NAV2: variants seen among roughly 807,000 people sequenced by gnomAD.
NAV2 encodes neuron navigator 2, also known as helicase, APC down-regulated 1.
Under a neutral mutation model 223.2 loss-of-function variants are expected in NAV2, and 54 were observed. That is an observed-to-expected ratio of 0.24 (90% confidence interval 0.19 to 0.30). The LOEUF is 0.30. Among genes scored for constraint, NAV2 ranks in the 10% least tolerant of loss-of-function variants. The pLI, the probability that NAV2 is intolerant of heterozygous loss-of-function variation, is 1.00. For missense variants in NAV2, 2,806 were observed against 3,147.5 expected, an observed-to-expected ratio of 0.89 and a Z score of 2.60; for synonymous variants, 1,279 against 1,239.3, an observed-to-expected ratio of 1.03 and a Z score of -0.67.
chr11:19,386,201 C>T (rs559188485), intron 1 of NAV2, among the ~76,000 whole-genome samples: 1 of 152,328 alleles, frequency 6.6e-6, no homozygotes, highest in East Asian at 1.9e-4. Flanking sequence ...ATTTAACAAT[C>T]GTTTGGGTGC....
chr11:19,479,751 A>C (rs141461881), intron 1 of NAV2, among the ~76,000 whole-genome samples: 54 of 152,312 alleles, frequency 3.5e-4, no homozygotes, highest in African/African-American at 1.3e-3. Flanking sequence ...TTCTGCAAAT[A>C]TGAAGTGCAA....
intron 6 of NAV2, among the ~76,000 whole-genome samples, chr11:19,896,177 T>C (rs1339866843): frequency 1.3e-5 from 2 of 152,180 alleles, no homozygotes; most frequent in Non-Finnish European, 2.9e-5. Flanking sequence ...CAAAAAGTAG[T>C]GGCAAAATAC....
chr11:19,453,234 G>C (rs1157603588), intron 1 of NAV2, among the ~76,000 whole-genome samples: 2 of 152,152 alleles, frequency 1.3e-5, no homozygotes, highest in African/African-American at 4.8e-5. Flanking sequence ...CAGCACTGTG[G>C]CTGGCTCATC....
chr11:20,016,489 A>G (rs924803216), intron 11 of NAV2, among the ~76,000 whole-genome samples: 3 of 152,240 alleles, frequency 2.0e-5, no homozygotes, highest in African/African-American at 7.2e-5. Flanking sequence ...GACAATCTCA[A>G]CAATTAACCA....
At chr11:20,103,490 G>A (rs967123979) in intron 33 of NAV2, 81 bp downstream of exon 33, 155 of 1,543,458 alleles carry the variant, frequency 1.0e-4, no homozygotes, top group Middle Eastern at 1.7e-4. Context: ...CAGGTGGCCC[G>A]GGGCCGTTGT....
chr11:20,034,569 A>G lies in NAV2; in HGVS notation c.2769-1390A>G, dbSNP rs571142996. On this transcript the variant is annotated intron_variant, in intron 11 of 37. Coordinates refer to ENST00000349880, the MANE Select transcript of NAV2 (RefSeq NM_145117.5). ...TAATTTTTGTGTACTTTTAGTAGAG[A>G]TGGGGTTTCACCATGTTGGCCAGGC... 7.2e-5 allele frequency among the ~76,000 whole-genome samples: 11 copies of G among 152,194 alleles called. No homozygotes were observed. The South Asian group carries it at 2.1e-3, about 29-fold the overall frequency.
intron 1 of NAV2, among the ~76,000 whole-genome samples, chr11:19,637,880 C>T (rs2047549384): frequency 1.3e-5 from 2 of 152,206 alleles, no homozygotes; most frequent in Admixed American, 6.5e-5. Context: ...TTCTTCATAG[C>T]GAGTGGGCAT....
At chr11:19,913,393 C>G (rs942494357) in intron 6 of NAV2, among the ~76,000 whole-genome samples, 5 of 152,150 alleles carry the variant, frequency 3.3e-5, no homozygotes, top group African/African-American at 1.2e-4. Flanking sequence ...TTGTAGAAAC[C>G]TGTCTGCTCA....
chr11:20,077,668 C>A (rs753888364), intron 23 of NAV2, 33 bp downstream of exon 23: 2 of 1,526,534 alleles, frequency 1.3e-6, no homozygotes, highest in East Asian at 4.5e-5. Context: ...ACCCTCCCTA[C>A]TTGGAGTTAA....
At chr11:19,693,940 G>T (rs1051163377) in intron 1 of NAV2, among the ~76,000 whole-genome samples, 7 of 152,184 alleles carry the variant, frequency 4.6e-5, no homozygotes, top group African/African-American at 1.2e-4. Flanking sequence ...CACCATTTTT[G>T]AGTCAAAAGT....
intron 20 of NAV2, among the ~76,000 whole-genome samples, chr11:20,066,461 A>C (rs1421905123): frequency 1.3e-5 from 2 of 152,220 alleles, no homozygotes; most frequent in Non-Finnish European, 2.9e-5. Flanking sequence ...GAAGGAATAC[A>C]AACAAACCTA....
chr11:20,023,160 G>T (rs1428190180), intron 11 of NAV2: 2 of 1,550,006 alleles, frequency 1.3e-6, no homozygotes, highest in African/African-American at 1.4e-5. Flanking sequence ...AATTTCTGGG[G>T]CCAGGGGGTG....
intron 1 of NAV2, among the ~76,000 whole-genome samples, chr11:19,603,229 C>A (rs2046394297): frequency 6.6e-6 from 1 of 152,080 alleles, no homozygotes; most frequent in Non-Finnish European, 1.5e-5. Flanking sequence ...ATCCTTCTGG[C>A]TGCAGCATGG....
At chr11:19,770,264 T>A (rs1056904710) in intron 1 of NAV2, among the ~76,000 whole-genome samples, 5 of 152,004 alleles carry the variant, frequency 3.3e-5, no homozygotes, top group Middle Eastern at 3.4e-3. Context: ...AAAAAATATT[T>A]TTTTTTTCAC....
At chr11:19,521,149 C>T (rs2043641282) in intron 1 of NAV2, among the ~76,000 whole-genome samples, 2 of 152,326 alleles carry the variant, frequency 1.3e-5, no homozygotes, top group South Asian at 4.1e-4. Flanking sequence ...TGCGTCTCCC[C>T]ATCTGGAGAG....
At chr11:20,029,264 G>C (rs2153553134) in intron 11 of NAV2, among the ~76,000 whole-genome samples, 1 of 152,354 alleles carries the variant, frequency 6.6e-6, no homozygotes, top group Admixed American at 6.5e-5. Context: ...GAGAGGATGT[G>C]TCTTGTCTGA....
intron 17 of NAV2, among the ~76,000 whole-genome samples, chr11:20,051,921 G>A (rs1358568996): frequency 6.6e-6 from 1 of 152,170 alleles, no homozygotes; most frequent in Admixed American, 6.5e-5. Context: ...CTCCCAGGAA[G>A]GACTGTCCTT....
intron 1 of NAV2, among the ~76,000 whole-genome samples, chr11:19,740,829 T>C (rs956335913): frequency 6.6e-6 from 1 of 152,228 alleles, no homozygotes; most frequent in Admixed American, 6.5e-5. Flanking sequence ...TGTTATCATC[T>C]ACATTTGCAG....
chr11:19,529,982 T>G lies in NAV2; in HGVS notation c.75+178955T>G, dbSNP rs115473742. Among the ~76,000 whole-genome samples, 807 of 152,290 alleles carry G rather than the reference T, an allele frequency of 5.3e-3. 4 individuals are homozygous for G. Among genetic ancestry groups the G allele is most frequent in the African/African-American group, 0.019 (785 of 41,528 alleles). ...GGTTGCTGGAAGGTCATGGGATATT[T>G]CGAATGGAAAAATCAGCATTTGTCT... On this transcript the variant is annotated intron_variant, in intron 1 of 37. Coordinates refer to the NAV2 transcript ENST00000360655.
Sources: gnomAD v4.1 joint callset for allele counts (sites outside exome capture counted in the v4.1 genomes callset) on GRCh38, gnomAD v4.1.1 for gene constraint, MANE v1.5 for transcripts, NCBI Gene and HGNC (gene_info 2026-07-23, HGNC 2026-07-21) for gene names.